FBXL20: variants seen among roughly 807,000 people sequenced by gnomAD.
FBXL20 encodes F-box and leucine rich repeat protein 20, also known as F-box/LRR-repeat protein 20.
Under a neutral mutation model 64.0 loss-of-function variants are expected in FBXL20, and 11 were observed. The ratio of observed to expected loss-of-function variants is 0.17; its 90% CI spans 0.11 to 0.28. The LOEUF (loss-of-function observed/expected upper bound fraction) is 0.28, where lower values mean the gene tolerates loss of function less well. Ranked by LOEUF, FBXL20 falls within the 10% of genes least tolerant of loss-of-function variation. The pLI, the probability that FBXL20 is intolerant of heterozygous loss-of-function variation, is 1.00. For missense variants in FBXL20, 303 were observed against 526.2 expected, an observed-to-expected ratio of 0.58 and a Z score of 4.15; for synonymous variants, 184 against 189.0, an observed-to-expected ratio of 0.97 and a Z score of 0.22.
intron 1 of FBXL20, among the ~76,000 whole-genome samples, chr17:39,363,953 G>T (rs1347195737): frequency 1.5e-5 from 2 of 132,122 alleles, no homozygotes; most frequent in Non-Finnish European, 3.1e-5. Context: ...GCAGTGACGC[G>T]ATCTCAGCTC....
At chr17:39,375,400 G>A (rs2047957639) in intron 1 of FBXL20, among the ~76,000 whole-genome samples, 2 of 152,004 alleles carry the variant, frequency 1.3e-5, no homozygotes, top group Admixed American at 6.6e-5. Context: ...CTCCATAAAA[G>A]CAACAATAAC....
chr17:39,357,074 G>C (rs2047748611), intron 1 of FBXL20, among the ~76,000 whole-genome samples: 1 of 151,316 alleles, frequency 6.6e-6, no homozygotes, highest in Non-Finnish European at 1.5e-5. Context: ...GGGAGTTCGA[G>C]ACCAGCCTGA....
rs561487463 is a variant in FBXL20 at position 39,361,975 on chromosome 17, T to G, written c.43-18734A>C. Among the ~76,000 whole-genome samples, 158 of 148,820 alleles carry G rather than the reference T, an allele frequency of 1.1e-3. 1 individual carries two copies. The highest frequency in any genetic ancestry group is 3.9e-3 in the African/African-American group (153 of 39,590). On this transcript the variant is annotated intron_variant, in intron 1 of 14. Coordinates refer to ENST00000264658, the MANE Select transcript of FBXL20 (RefSeq NM_032875.3). ...AAGTTTTAAAAATGCTTTTGGATTT[T>G]GGAGCACTAAAAAAAAAAAAAAAAT...
intron 2 of FBXL20, among the ~76,000 whole-genome samples, chr17:39,321,208 C>T (rs902431859): frequency 6.6e-6 from 1 of 152,052 alleles, no homozygotes; most frequent in Admixed American, 6.6e-5. Context: ...AATCCCAGCA[C>T]TTTGGGAGGC....
At chr17:39,399,538 T>C (rs2048220283) in intron 1 of FBXL20, among the ~76,000 whole-genome samples, 1 of 152,214 alleles carries the variant, frequency 6.6e-6, no homozygotes, top group African/African-American at 2.4e-5. Context: ...CATGGAACAC[T>C]TCACATCATA....
At chr17:39,343,279 C>T in intron 1 of FBXL20, 38 bp from the exon 2 acceptor site, 1 of 1,414,552 alleles carries the variant, frequency 7.1e-7, no homozygotes, top group Non-Finnish European at 9.7e-7. Flanking sequence ...TGTTACTTAA[C>T]ATTTTATTAC....
intron 1 of FBXL20, among the ~76,000 whole-genome samples, chr17:39,351,015 G>T (rs751299071): frequency 6.6e-6 from 1 of 152,086 alleles, no homozygotes; most frequent in Admixed American, 6.6e-5. Flanking sequence ...ATTATCACTT[G>T]AAGTGACACA....
chr17:39,269,910 C>T (rs190709492), intron 11 of FBXL20, among the ~76,000 whole-genome samples: 176 of 152,330 alleles, frequency 1.2e-3, no homozygotes, highest in Non-Finnish European at 2.1e-3. Flanking sequence ...GCCACTGCAC[C>T]CAGGCTATGG....
At chr17:39,383,517 GA>G (rs2048046627) in intron 1 of FBXL20, among the ~76,000 whole-genome samples, 1 of 151,006 alleles carries the variant, frequency 6.6e-6, no homozygotes, top group Non-Finnish European at 1.5e-5. Flanking sequence ...CTTATCTCTT[GA>G]AGTACAGAGT....
intron 2 of FBXL20, among the ~76,000 whole-genome samples, chr17:39,335,314 T>C (rs1351460593): frequency 6.6e-6 from 1 of 151,882 alleles, no homozygotes; most frequent in African/African-American, 2.4e-5. Flanking sequence ...GCTCAGTCCT[T>C]TGGATGTTAA....
chr17:39,305,394 G>C (rs1445728567), intron 2 of FBXL20, among the ~76,000 whole-genome samples: 1 of 152,166 alleles, frequency 6.6e-6, no homozygotes, highest in Non-Finnish European at 1.5e-5. Flanking sequence ...AAATAGTTCA[G>C]GGAATCCTGG....
At position 39,321,309 on chromosome 17, in the gene FBXL20, G is replaced by A. The variant is rs370555516; in HGVS notation, c.105-17670C>T. ...TCTACTAAAAATACAAAAATTAGCC[G>A]GGCACGGTGGCAGGCACTTGTAATC... is the stretch of plus-strand genomic sequence containing the variant. On this transcript the variant is annotated intron_variant, in intron 2 of 14. Transcript: ENST00000264658. 1.2e-3 allele frequency among the ~76,000 whole-genome samples: 177 copies of A among 150,964 alleles called. 2 individuals carry two copies. In the South Asian group the frequency reaches 0.035, roughly 30 times the overall value.
chr17:39,305,361 A>G (rs975140611), intron 2 of FBXL20, among the ~76,000 whole-genome samples: 1 of 152,198 alleles, frequency 6.6e-6, no homozygotes, highest in African/African-American at 2.4e-5. Context: ...AGCCTGATAA[A>G]CCACACCATA....
At chr17:39,399,211 C>A (rs1438216743) in intron 1 of FBXL20, among the ~76,000 whole-genome samples, 1 of 124,878 alleles carries the variant, frequency 8.0e-6, no homozygotes, top group African/African-American at 4.4e-5. Context: ...CACAAAAATT[C>A]TCAATGAGAT....
At chr17:39,357,438 G>A (rs1357839929) in intron 1 of FBXL20, among the ~76,000 whole-genome samples, 5 of 151,842 alleles carry the variant, frequency 3.3e-5, no homozygotes, top group Non-Finnish European at 7.4e-5. Context: ...TCACTGTTAG[G>A]CATGCCTCTC....
chr17:39,378,271 G>A (rs1279358686), intron 1 of FBXL20, among the ~76,000 whole-genome samples: 6 of 152,082 alleles, frequency 3.9e-5, no homozygotes, highest in South Asian at 2.1e-4. Flanking sequence ...TATCCAAAAC[G>A]AAGAACTCTT....
At chr17:39,323,318 T>TCC (rs1310933659) in intron 2 of FBXL20, among the ~76,000 whole-genome samples, 1 of 152,108 alleles carries the variant, frequency 6.6e-6, no homozygotes, top group Non-Finnish European at 1.5e-5. Flanking sequence ...TCATTAGGTG[T>TCC]CCCTAAAGTT....
chr17:39,401,934 G>A (rs1354210766), upstream of FBXL20: 4 of 426,836 alleles, frequency 9.4e-6, no homozygotes, highest in East Asian at 1.5e-4. Context: ...GGGCGGATGC[G>A]AGTGCGCGCG....
chr17:39,279,917 A>C (rs2046932973), intron 9 of FBXL20, among the ~76,000 whole-genome samples: 1 of 152,160 alleles, frequency 6.6e-6, no homozygotes, highest in Non-Finnish European at 1.5e-5. Flanking sequence ...GCAGTGGCTT[A>C]CGCCTGTAAT....
Sources: allele counts gnomAD v4.1 joint callset (sites outside exome capture counted in the v4.1 genomes callset), GRCh38; gene constraint gnomAD v4.1.1; transcripts MANE v1.5; gene names NCBI Gene and HGNC (gene_info 2026-07-23, HGNC 2026-07-21).